Variants in FREM2 observed in about 807,000 individuals in gnomAD.
FREM2 encodes the protein FRAS1-related extracellular matrix protein 2.
In FREM2, 119 loss-of-function variants were observed where a neutral mutation model predicts 219.9. That is an observed-to-expected ratio of 0.54 (90% CI 0.47 to 0.63). FREM2 has a LOEUF of 0.63. FREM2 is among the 30% of genes least tolerant of loss of function. The probability of loss-of-function intolerance (pLI) is 0.00; values close to 1 mark genes in which losing one functional copy is unlikely to be tolerated. For missense variants in FREM2, 4,030 were observed against 3,993.6 expected (o/e 1.01, Z -0.25); for synonymous variants, 1,562 against 1,522.8 (o/e 1.03, Z -0.60).
In FREM2 at chr13:38,807,227, A is replaced by ATG. The variant is rs1239956729; in HGVS notation, c.6019+22421_6019+22422dup. 2.4e-5 allele frequency among the ~76,000 whole-genome samples: 3 copies of ATG among 125,684 alleles called. 1 individual carries two copies. The highest frequency in any genetic ancestry group is 8.5e-5 in the African/African-American group (3 of 35,158). 82.5% of individuals were successfully genotyped at this position (125,684 alleles called of 152,430 possible). A position where few individuals can be genotyped will look rare whatever the true frequency, so the allele number is the denominator to read the frequency against. On this transcript the variant is annotated intron_variant, in intron 6 of 23. Coordinates refer to ENST00000280481, the MANE Select transcript of FREM2 (RefSeq NM_207361.6). ...TATATATATATATATATATATATAT[A>ATG]TGTATGGTTTTGTTTTGTTTTGTTT... is the stretch of plus-strand genomic sequence containing the variant.
At chr13:38,874,661 C>A in intron 18 of FREM2, 75 bp downstream of exon 18, 1 of 1,186,494 alleles carries the variant, frequency 8.4e-7, no homozygotes, top group Non-Finnish European at 1.3e-6. Context: ...CACATTTCAG[C>A]GTGCTTCTCT....
chr13:38,848,991 T>C (rs1202112436), intron 8 of FREM2, among the ~76,000 whole-genome samples: 1 of 152,134 alleles, frequency 6.6e-6, no homozygotes, highest in African/African-American at 2.4e-5. Context: ...TATGTGTCTC[T>C]GTCTAATTTT....
chr13:38,745,111 A>G lies in FREM2; in HGVS notation c.5264-19193A>G, dbSNP rs543947102. Among the ~76,000 whole-genome samples, 6 of 152,356 alleles carry G rather than the reference A, an allele frequency of 3.9e-5. No homozygotes were observed. In the East Asian group the frequency reaches 1.2e-3, roughly 29 times the overall value. On this transcript the variant is annotated intron_variant, in intron 2 of 23. Coordinates refer to ENST00000280481, the MANE Select transcript of FREM2 (RefSeq NM_207361.6). ...ATCCTAACATTAAGGTAATGTCTAA[A>G]TGGAAAATATGACTGTAAGGAACAC...
chr13:38,812,872 G>C (rs1875549437), intron 6 of FREM2, among the ~76,000 whole-genome samples: 1 of 148,598 alleles, frequency 6.7e-6, no homozygotes, highest in Non-Finnish European at 1.5e-5. Flanking sequence ...GACAGAGCAA[G>C]ACCCTATGTC....
chr13:38,777,939 C>G (rs773140542), intron 4 of FREM2, among the ~76,000 whole-genome samples: 7 of 152,162 alleles, frequency 4.6e-5, no homozygotes, highest in Admixed American at 2.0e-4. Context: ...AGGGCACAGC[C>G]CAGACACTCG....
intron 4 of FREM2, among the ~76,000 whole-genome samples, chr13:38,777,784 C>T (rs988068687): frequency 1.3e-5 from 2 of 152,144 alleles, no homozygotes; most frequent in African/African-American, 2.4e-5. Flanking sequence ...ATCAGGGAAG[C>T]CTTTCTTTGT....
At chr13:38,701,042 A>C (rs1006504905) in intron 2 of FREM2, among the ~76,000 whole-genome samples, 1 of 152,058 alleles carries the variant, frequency 6.6e-6, no homozygotes, top group Admixed American at 6.6e-5. Context: ...TTTGTTATAT[A>C]GGTAAAGTCA....
At chr13:38,838,633 A>G (rs951270429) in intron 6 of FREM2, among the ~76,000 whole-genome samples, 10 of 152,200 alleles carry the variant, frequency 6.6e-5, no homozygotes, top group Non-Finnish European at 1.3e-4. Context: ...ACATAGACCC[A>G]TATTTCTTGG....
intron 2 of FREM2, among the ~76,000 whole-genome samples, chr13:38,710,394 C>A (rs1384850996): frequency 1.3e-5 from 2 of 152,136 alleles, no homozygotes; most frequent in African/African-American, 4.8e-5. Flanking sequence ...TTAGGTGAAT[C>A]TATGTACTTC....
chr13:38,731,222 C>T (rs1374357070), intron 2 of FREM2, among the ~76,000 whole-genome samples: 5 of 151,952 alleles, frequency 3.3e-5, no homozygotes, highest in Admixed American at 6.6e-5. Context: ...ATAAAATATC[C>T]GATTAACTGA....
rs1245041255 is a variant in FREM2, at chr13:38,850,978, G to A, written c.6612G>A (p.Met2204Ile). The change falls in exon 10 of 24, where the codon ATG becomes ATA. Residue 2204 changes from methionine to isoleucine, a missense_variant. Transcript: ENST00000280481. ...ETEKPCILEL[M>I]DDVLYEEVEE... Reference sequence around the variant, plus strand: ...AAAAGCCCTGCATTCTTGAGCTGATGGACGATGTGCTCTATGAGGAGGTAG... The same window carrying A: ...AAAAGCCCTGCATTCTTGAGCTGATAGACGATGTGCTCTATGAGGAGGTAG... The A allele has an allele frequency of 6.2e-7, 1 of 1,613,166 alleles. No individual in the cohort carries two copies. Among genetic ancestry groups the A allele is most frequent in the Non-Finnish European group, 8.5e-7 (1 of 1,179,964 alleles).
At chr13:38,696,122 A>C (rs2496429) in intron 1 of FREM2, among the ~76,000 whole-genome samples, 152,211 of 152,212 alleles carry the variant, frequency 1, 76,105 homozygotes, top group Non-Finnish European at 1. Flanking sequence ...AGTGAGACCC[A>C]CATATCTATA....
chr13:38,862,751 A>C (rs966656832), intron 15 of FREM2, among the ~76,000 whole-genome samples: 1 of 152,194 alleles, frequency 6.6e-6, no homozygotes, highest in Non-Finnish European at 1.5e-5. Context: ...GCCTGTTTTC[A>C]TATGGTCTGC....
At chr13:38,789,500 G>T (rs1350401954) in intron 6 of FREM2, among the ~76,000 whole-genome samples, 1 of 147,842 alleles carries the variant, frequency 6.8e-6, no homozygotes, top group African/African-American at 2.5e-5. Flanking sequence ...CTTTCCAGAA[G>T]TTTGTATATT....
intron 4 of FREM2, among the ~76,000 whole-genome samples, chr13:38,780,024 A>G (rs73461880): frequency 0.053 from 8,015 of 152,116 alleles, 709 homozygotes; most frequent in African/African-American, 0.18. Context: ...TTCTTTATCT[A>G]TAATCCTCCC....
At chr13:38,838,387 G>A (rs1249684775) in intron 6 of FREM2, among the ~76,000 whole-genome samples, 1 of 151,992 alleles carries the variant, frequency 6.6e-6, no homozygotes, top group African/African-American at 2.4e-5. Context: ...CTGGCTGCCC[G>A]CAACATTTTT....
At chr13:38,833,719 G>A (rs1481432624) in intron 6 of FREM2, among the ~76,000 whole-genome samples, 1 of 151,980 alleles carries the variant, frequency 6.6e-6, no homozygotes, top group African/African-American at 2.4e-5. Context: ...TCCATCTATA[G>A]GTAGATGAAA....
rs184334750 is a variant in FREM2 at position 38,756,661 on chromosome 13, G to A, written c.5264-7643G>A. On this transcript the variant is annotated intron_variant, in intron 2 of 23. Transcript: ENST00000280481. ...TCGTGTCTCAGTCTCCCAAGTAGGT[G>A]AGACTACAGGCATGTGCCACCATGC... 2.0e-3 allele frequency among the ~76,000 whole-genome samples: 309 copies of A among 151,572 alleles called. 1 individual carries two copies. The highest frequency in any genetic ancestry group is 7.2e-3 in the African/African-American group (298 of 41,302).
In FREM2 at chr13:38,769,709, G is replaced by A. The variant is rs758038374; in HGVS notation, c.5542G>A (p.Glu1848Lys). The A allele has an allele frequency of 1.2e-6, 2 of 1,614,132 alleles. No individual in the cohort carries two copies. The highest frequency in any genetic ancestry group is 1.7e-6 in the Non-Finnish European group (2 of 1,180,002). ...RVRILSDGEH[E>K]QSETFQVVLS... ...GCGGATCCTGAGTGATGGGGAGCAT[G>A]AGCAGTCTGAAACCTTTCAGGTGGT... The change falls in exon 4 of 24, where the codon GAG becomes AAG. Residue 1848 changes from glutamate to lysine, a missense_variant. Transcript: ENST00000280481.
Sources: allele counts gnomAD v4.1 joint callset (sites outside exome capture counted in the v4.1 genomes callset), GRCh38; gene constraint gnomAD v4.1.1; transcripts MANE v1.5; gene names NCBI Gene and HGNC (gene_info 2026-07-23, HGNC 2026-07-21).